Variants in SDK1 observed in about 807,000 individuals in gnomAD.
SDK1 encodes the protein sidekick cell adhesion molecule 1.
SDK1 carries 157 observed loss-of-function variants against 245.5 expected under a neutral mutation model. The ratio of observed to expected loss-of-function variants is 0.64; its 90% CI spans 0.56 to 0.73. The LOEUF is 0.73. Ranked by LOEUF, SDK1 falls within the 30% of genes least tolerant of loss-of-function variation. SDK1 has a pLI of 0.00. For missense variants in SDK1, 3,583 were observed against 3,002.3 expected (o/e 1.19, Z -4.52); for synonymous variants, 1,647 against 1,278.5 (o/e 1.29, Z -6.15).
At chr7:3,991,190 C>T (rs777287299) in intron 14 of SDK1, among the ~76,000 whole-genome samples, 4 of 152,154 alleles carry the variant, frequency 2.6e-5, no homozygotes, top group African/African-American at 4.8e-5. Context: ...AGACGGGCGA[C>T]GAGGGACAGC....
At chr7:3,747,170 G>C (rs1314808966) in intron 4 of SDK1, among the ~76,000 whole-genome samples, 3 of 152,180 alleles carry the variant, frequency 2.0e-5, no homozygotes, top group African/African-American at 7.2e-5. Flanking sequence ...CATGATAATA[G>C]AAAATTTTGC....
chr7:3,559,356 A>G (rs1583165366), intron 1 of SDK1, among the ~76,000 whole-genome samples: 2 of 152,280 alleles, frequency 1.3e-5, no homozygotes, highest in East Asian at 3.9e-4. Context: ...GTTATGCAGC[A>G]TGGTGTTTAT....
rs929833646 is a variant in SDK1 at position 4,241,654 on chromosome 7, AGCT to A, written c.6131-137_6131-135del. On this transcript the variant is annotated intron_variant, in intron 42 of 44. Coordinates refer to ENST00000404826, the MANE Select transcript of SDK1 (RefSeq NM_152744.4). The stretch of plus-strand genomic sequence containing the variant: ...TTCTCCCCAGCTCAGCCCTAAGCAC[AGCT>A]GAAGCAGGTATCCTCAGCTCTGGGC... 1.4e-5 allele frequency: 14 copies of A among 985,438 alleles called. No homozygotes were observed. The African/African-American group carries it at 2.2e-4, about 15-fold the overall frequency. 61.0% of individuals were successfully genotyped at this position (985,438 alleles called of 1,614,324 possible). A position where few individuals can be genotyped will look rare whatever the true frequency, so the allele number is the denominator to read the frequency against.
intron 5 of SDK1, among the ~76,000 whole-genome samples, chr7:3,847,257 C>G (rs1213362721): frequency 6.6e-6 from 1 of 152,144 alleles, no homozygotes; most frequent in Non-Finnish European, 1.5e-5. Flanking sequence ...TCGACTTCAT[C>G]AAGTTCATTA....
chr7:3,594,943 T>A (rs138500684), intron 1 of SDK1, among the ~76,000 whole-genome samples: 3 of 152,334 alleles, frequency 2.0e-5, no homozygotes, highest in East Asian at 3.9e-4. Flanking sequence ...TTTACTGTTT[T>A]TCTAGTAGGT....
chr7:3,543,399 G>A lies in SDK1; in HGVS notation c.299-75681G>A, dbSNP rs543887170. Among the ~76,000 whole-genome samples, 12 of 152,386 alleles carry A rather than the reference G, an allele frequency of 7.9e-5. 1 individual carries two copies. In the South Asian group the frequency reaches 2.3e-3, roughly 29 times the overall value. On this transcript the variant is annotated intron_variant, in intron 1 of 44. Coordinates refer to ENST00000404826, the MANE Select transcript of SDK1 (RefSeq NM_152744.4). Reference sequence around the variant, plus strand: ...GGCTAGACTCTGACCCCATAGGGGAGCCATTCTTACTAAAGAGATGGCTCT... The same window carrying A: ...GGCTAGACTCTGACCCCATAGGGGAACCATTCTTACTAAAGAGATGGCTCT...
At chr7:3,372,822 G>T (rs1415987552) in intron 1 of SDK1, among the ~76,000 whole-genome samples, 1 of 152,184 alleles carries the variant, frequency 6.6e-6, no homozygotes, top group African/African-American at 2.4e-5. Flanking sequence ...ATGTGTAAAG[G>T]TGATGGATTT....
chr7:3,892,112 C>G (rs1412145791), intron 5 of SDK1, among the ~76,000 whole-genome samples: 4 of 152,144 alleles, frequency 2.6e-5, no homozygotes, highest in Admixed American at 2.0e-4. Flanking sequence ...CTTCCTTTAA[C>G]AACTTTCCAG....
intron 2 of SDK1, among the ~76,000 whole-genome samples, chr7:3,627,587 G>C (rs1481803522): frequency 1.3e-5 from 2 of 152,226 alleles, no homozygotes; most frequent in Non-Finnish European, 2.9e-5. Flanking sequence ...GTCGCACTGA[G>C]GGCTCAGCAT....
chr7:3,366,669 T>A (rs1284955093), intron 1 of SDK1, among the ~76,000 whole-genome samples: 5 of 152,222 alleles, frequency 3.3e-5, no homozygotes, highest in Admixed American at 3.3e-4. Context: ...AAGACTTTTG[T>A]CTTTTTGTCA....
At chr7:3,450,796 A>T (rs1780490979) in intron 1 of SDK1, among the ~76,000 whole-genome samples, 1 of 152,180 alleles carries the variant, frequency 6.6e-6, no homozygotes. Flanking sequence ...CATAGATGGA[A>T]TAATTGCATG....
chr7:3,538,789 A>G (rs1778969583), intron 1 of SDK1, among the ~76,000 whole-genome samples: 1 of 152,202 alleles, frequency 6.6e-6, no homozygotes, highest in Admixed American at 6.5e-5. Flanking sequence ...TCAGGCCCAG[A>G]TCAAGAGGAA....
At chr7:3,758,089 G>C (rs980175065) in intron 4 of SDK1, among the ~76,000 whole-genome samples, 2 of 152,148 alleles carry the variant, frequency 1.3e-5, no homozygotes, top group African/African-American at 4.8e-5. Context: ...CCACAGTCAA[G>C]CAGAGGGCAG....
chr7:3,789,926 G>A (rs910997968), intron 4 of SDK1, among the ~76,000 whole-genome samples: 3 of 152,094 alleles, frequency 2.0e-5, no homozygotes, highest in Admixed American at 6.5e-5. Flanking sequence ...GGTTGGGGGC[G>A]GGTAGGGGGC....
At chr7:3,903,364 C>G (rs543274396) in intron 5 of SDK1, among the ~76,000 whole-genome samples, 1 of 151,970 alleles carries the variant, frequency 6.6e-6, no homozygotes, top group Non-Finnish European at 1.5e-5. Flanking sequence ...AGGATGGTCT[C>G]GATCATCTGC....
chr7:3,346,944 T>G (rs1288651806), intron 1 of SDK1, among the ~76,000 whole-genome samples: 9 of 148,502 alleles, frequency 6.1e-5, no homozygotes, highest in African/African-American at 2.3e-4. Flanking sequence ...GTGCTAGAAT[T>G]ATAGGCATGA....
chr7:3,963,629 C>T (rs369568865), intron 9 of SDK1, among the ~76,000 whole-genome samples: 3 of 83,798 alleles, frequency 3.6e-5, no homozygotes, highest in Non-Finnish European at 4.8e-5. Flanking sequence ...AGCTACCTGA[C>T]CTGGACGTAT....
intron 4 of SDK1, among the ~76,000 whole-genome samples, chr7:3,780,385 G>T (rs1429887596): frequency 6.6e-6 from 1 of 152,198 alleles, no homozygotes; most frequent in Non-Finnish European, 1.5e-5. Context: ...CCTAGGGTCA[G>T]GTAGAAACAA....
rs1780582799 is a variant in SDK1, at chr7:3,857,764, T to C, written c.847+36181T>C. ...ATGAGAGTTCTGAAGGGTGGCTAGA[T>C]AGAAGATAGATATGGAAAAATTCTT... On this transcript the variant is annotated intron_variant, in intron 5 of 44. Coordinates refer to ENST00000404826, the MANE Select transcript of SDK1 (RefSeq NM_152744.4). Among the ~76,000 whole-genome samples, 3 of 152,028 alleles carry C rather than the reference T, an allele frequency of 2.0e-5. 1 individual carries two copies. In the East Asian group the frequency reaches 5.8e-4, roughly 29 times the overall value.
Sources: gnomAD v4.1 joint callset for allele counts (sites outside exome capture counted in the v4.1 genomes callset) on GRCh38, gnomAD v4.1.1 for gene constraint, MANE v1.5 for transcripts, NCBI Gene and HGNC (gene_info 2026-07-23, HGNC 2026-07-21) for gene names.